Variants in EDA observed in about 807,000 individuals in gnomAD.
The protein encoded by EDA is ectodysplasin A.
EDA carries 2 observed loss-of-function variants against 23.6 expected under a neutral mutation model. The observed-to-expected ratio is 0.08, with a 90% CI of 0.03 to 0.27. The LOEUF is 0.27. Among genes scored for constraint, EDA ranks in the 10% least tolerant of loss-of-function variants. EDA has a pLI of 1.00. For missense variants in EDA, 229 were observed against 324.2 expected (o/e 0.71, Z 2.26); for synonymous variants, 131 against 132.0 (o/e 0.99, Z 0.05).
chrX:69,744,575 AG>A (rs1450741588), intron 1 of EDA, among the ~76,000 whole-genome samples: 1 of 112,450 alleles, frequency 8.9e-6, no homozygotes, highest in Non-Finnish European at 1.9e-5. Flanking sequence ...GTTTCATGTT[AG>A]ATAAGACTTT....
chrX:69,784,356 A>C (rs1160946075), intron 1 of EDA, among the ~76,000 whole-genome samples: 1 of 101,792 alleles, frequency 9.8e-6, no homozygotes, highest in Non-Finnish European at 2.0e-5. Context: ...TTAGACATGA[A>C]GTCCTTGCCC....
intron 1 of EDA, among the ~76,000 whole-genome samples, chrX:69,903,541 TC>T (rs1201965286): frequency 1.7e-4 from 18 of 108,038 alleles, no homozygotes; most frequent in African/African-American, 6.1e-4. Context: ...TTCTGAAGTT[TC>T]TTTACACTCC....
chrX:69,656,724 G>T (rs1271298836), intron 1 of EDA, among the ~76,000 whole-genome samples: 1 of 111,601 alleles, frequency 9.0e-6, no homozygotes, highest in East Asian at 2.8e-4. Context: ...ATGTTTCACT[G>T]TCACTACAAG....
intron 1 of EDA, among the ~76,000 whole-genome samples, chrX:69,735,025 A>T (rs2013200131): frequency 9.0e-6 from 1 of 111,566 alleles, no homozygotes; most frequent in Admixed American, 9.5e-5. Context: ...TTCTGAGAAT[A>T]CATCCAAAAG....
chrX:69,971,369 C>T (rs2019245633), intron 2 of EDA, among the ~76,000 whole-genome samples: 1 of 112,218 alleles, frequency 8.9e-6, no homozygotes, highest in African/African-American at 3.2e-5. Flanking sequence ...TGGTTTGAAA[C>T]AGTTTATTAA....
At chrX:69,906,611 G>A (rs890526070) in intron 1 of EDA, among the ~76,000 whole-genome samples, 5 of 111,870 alleles carry the variant, frequency 4.5e-5, no homozygotes, top group Non-Finnish European at 9.4e-5. Flanking sequence ...CTTTCAGAAT[G>A]TCTTTGTATT....
intron 1 of EDA, among the ~76,000 whole-genome samples, chrX:69,809,289 T>C (rs974677451): frequency 9.0e-6 from 1 of 111,051 alleles, no homozygotes; most frequent in African/African-American, 3.3e-5. Context: ...TCTGGGAGGC[T>C]TCAGAAAACT....
intron 1 of EDA, among the ~76,000 whole-genome samples, chrX:69,896,816 G>C (rs950454903): frequency 9.0e-6 from 1 of 110,560 alleles, no homozygotes; most frequent in Non-Finnish European, 1.9e-5. Flanking sequence ...TCTTCCTCTT[G>C]ATGATTTAGA....
chrX:69,702,233 C>A (rs2011553822), intron 1 of EDA, among the ~76,000 whole-genome samples: 1 of 110,808 alleles, frequency 9.0e-6, no homozygotes, highest in Non-Finnish European at 1.9e-5. Context: ...AAGATGGTAC[C>A]TGAGTGAGTA....
intron 1 of EDA, among the ~76,000 whole-genome samples, chrX:69,899,341 C>T (rs1333817096): frequency 2.7e-5 from 3 of 111,854 alleles, no homozygotes; most frequent in Non-Finnish European, 5.6e-5. Flanking sequence ...CATTTGCAAT[C>T]TGATTATTTG....
intron 1 of EDA, among the ~76,000 whole-genome samples, chrX:69,919,811 GA>G (rs1397818124): frequency 9.0e-6 from 1 of 111,731 alleles, no homozygotes; most frequent in African/African-American, 3.2e-5. Context: ...ATTATTGCAA[GA>G]AAAAAGACAC....
At chrX:69,944,578 C>T (rs762533800) in intron 1 of EDA, among the ~76,000 whole-genome samples, 1 of 111,544 alleles carries the variant, frequency 9.0e-6, no homozygotes, top group South Asian at 3.8e-4. Context: ...ATTCTCCCCT[C>T]GCCTCTCCTC....
intron 1 of EDA, among the ~76,000 whole-genome samples, chrX:69,846,631 G>C (rs1473522222): frequency 1.8e-5 from 2 of 111,383 alleles, no homozygotes; most frequent in African/African-American, 6.5e-5. Flanking sequence ...ACCAAAAAGG[G>C]GGGGAAAAGT....
chrX:69,741,012 T>G (rs1312221185), intron 1 of EDA, among the ~76,000 whole-genome samples: 1 of 109,662 alleles, frequency 9.1e-6, no homozygotes, highest in African/African-American at 3.3e-5. Flanking sequence ...TTCATATATA[T>G]AGAAAATATA....
At chrX:70,024,902 A>G (rs1307665213) in intron 3 of EDA, among the ~76,000 whole-genome samples, 1 of 112,230 alleles carries the variant, frequency 8.9e-6, no homozygotes, top group Non-Finnish European at 1.9e-5. Flanking sequence ...GTATGTTTCT[A>G]AGTACAAACG....
At chrX:69,763,993 A>G (rs1461918283) in intron 1 of EDA, among the ~76,000 whole-genome samples, 2 of 110,508 alleles carry the variant, frequency 1.8e-5, no homozygotes, top group Non-Finnish European at 3.8e-5. Flanking sequence ...TTGATTAGGT[A>G]TTAGTAGATA....
chrX:69,736,066 A>G (rs2490729), intron 1 of EDA, among the ~76,000 whole-genome samples: 36,432 of 107,827 alleles, frequency 0.34, 5,222 homozygotes, highest in Middle Eastern at 0.57. Flanking sequence ...CAGCACTTCA[A>G]GAGGCTAAGG....
chrX:69,859,545 T>C (rs1312247172), intron 1 of EDA, among the ~76,000 whole-genome samples: 1 of 107,048 alleles, frequency 9.3e-6, no homozygotes, highest in Non-Finnish European at 2.0e-5. Flanking sequence ...GTCTTGAGCC[T>C]TAGTTTTGAT....
chrX:70,013,238 C>A (rs1203980814), intron 2 of EDA, among the ~76,000 whole-genome samples: 1 of 111,344 alleles, frequency 9.0e-6, no homozygotes, highest in Non-Finnish European at 1.9e-5. Flanking sequence ...CCTTACTGCC[C>A]ATGGGCTGGG....
Sources: allele counts gnomAD v4.1 joint callset (sites outside exome capture counted in the v4.1 genomes callset), GRCh38; gene constraint gnomAD v4.1.1; transcripts MANE v1.5; gene names NCBI Gene and HGNC (gene_info 2026-07-23, HGNC 2026-07-21).